Variants in SDK1 observed in about 807,000 individuals in gnomAD.
SDK1 encodes sidekick cell adhesion molecule 1, also known as protein sidekick-1.
A neutral mutation model predicts 245.5 loss-of-function variants in SDK1; 157 were observed. That is an observed-to-expected ratio of 0.64 (90% CI 0.56 to 0.73). The LOEUF is 0.73. Ranked by LOEUF, SDK1 falls within the 30% of genes least tolerant of loss-of-function variation. The probability of loss-of-function intolerance (pLI) is 0.00; values close to 1 mark genes in which losing one functional copy is unlikely to be tolerated. For synonymous variants in SDK1, 1,647 were observed against 1,278.5 expected, an observed-to-expected ratio of 1.29 and a Z score of -6.15; for missense variants, 3,583 against 3,002.3, an observed-to-expected ratio of 1.19 and a Z score of -4.52.
At chr7:3,390,676 T>C (rs1781728565) in intron 1 of SDK1, among the ~76,000 whole-genome samples, 1 of 152,118 alleles carries the variant, frequency 6.6e-6, no homozygotes, top group Non-Finnish European at 1.5e-5. Flanking sequence ...GACGCAGATA[T>C]TGGAGTTATG....
At chr7:3,634,570 T>G (rs572136591) in intron 2 of SDK1, among the ~76,000 whole-genome samples, 1 of 152,202 alleles carries the variant, frequency 6.6e-6, no homozygotes, top group Non-Finnish European at 1.5e-5. Flanking sequence ...TTCTATACTT[T>G]AGTGGCATAT....
intron 1 of SDK1, among the ~76,000 whole-genome samples, chr7:3,471,462 G>T (rs994730344): frequency 6.6e-6 from 1 of 152,080 alleles, no homozygotes; most frequent in Non-Finnish European, 1.5e-5. Context: ...TTTTTAATAT[G>T]TGTTAATCCT....
intron 1 of SDK1, among the ~76,000 whole-genome samples, chr7:3,354,331 A>G (rs983689476): frequency 2.0e-5 from 3 of 148,662 alleles, no homozygotes; most frequent in African/African-American, 7.4e-5. Flanking sequence ...AGTCAAACGG[A>G]AAAAAAAAAC....
intron 1 of SDK1, among the ~76,000 whole-genome samples, chr7:3,507,250 A>G (rs772069916): frequency 6.6e-6 from 1 of 152,022 alleles, no homozygotes; most frequent in African/African-American, 2.4e-5. Context: ...GTCTCTTGAA[A>G]TCTCACCCTA....
intron 17 of SDK1, among the ~76,000 whole-genome samples, chr7:4,041,357 A>G (rs1353011142): frequency 6.7e-6 from 1 of 149,560 alleles, no homozygotes; most frequent in East Asian, 1.9e-4. Flanking sequence ...GAGTTTTGAT[A>G]TACTCTCTGC....
chr7:4,014,401 G>A (rs1786230361), intron 16 of SDK1, among the ~76,000 whole-genome samples: 1 of 152,186 alleles, frequency 6.6e-6, no homozygotes, highest in African/African-American at 2.4e-5. Flanking sequence ...TCCAAGATGA[G>A]GGTGCAGTAC....
At chr7:3,493,621 A>G (rs1781932437) in intron 1 of SDK1, among the ~76,000 whole-genome samples, 1 of 152,180 alleles carries the variant, frequency 6.6e-6, no homozygotes, top group Non-Finnish European at 1.5e-5. Flanking sequence ...TATAGAAAAG[A>G]ATGTTAGGAA....
chr7:3,402,919 G>T (rs373501686), intron 1 of SDK1, among the ~76,000 whole-genome samples: 52 of 152,010 alleles, frequency 3.4e-4, no homozygotes, highest in African/African-American at 1.2e-3. Context: ...TTATGAATTA[G>T]ATGAAACATT....
intron 1 of SDK1, among the ~76,000 whole-genome samples, chr7:3,407,241 C>G (rs1779079931): frequency 6.6e-6 from 1 of 152,200 alleles, no homozygotes. Flanking sequence ...TTTCATAGAT[C>G]CCAGCAGGAA....
intron 27 of SDK1, 95 bp downstream of exon 27, chr7:4,130,192 T>C (rs1784709220): frequency 2.3e-6 from 3 of 1,332,228 alleles, no homozygotes; most frequent in Non-Finnish European, 3.0e-6. Context: ...TTTAACTTAA[T>C]TTTCAAACCA....
At chr7:3,931,915 A>G (rs1383566743) in intron 5 of SDK1, among the ~76,000 whole-genome samples, 1 of 152,132 alleles carries the variant, frequency 6.6e-6, no homozygotes, top group Admixed American at 6.5e-5. Context: ...ATTTTCTATA[A>G]ATTTGCTATA....
chr7:4,037,528 G>T (rs1788311767), intron 17 of SDK1, among the ~76,000 whole-genome samples: 1 of 152,124 alleles, frequency 6.6e-6, no homozygotes, highest in African/African-American at 2.4e-5. Context: ...GAGTTGGGAG[G>T]ATCGCCTGAG....
rs923195514 is a variant in SDK1, at chr7:4,266,416, C to G, written c.*1032C>G. ...AAACAGCTCTGAGAACACACGCTCC[C>G]GACTCGCCTCGTGCACACCAGGCCG... On this transcript the variant is annotated 3_prime_UTR_variant, in exon 45 of 45. Coordinates refer to ENST00000404826, the MANE Select transcript of SDK1 (RefSeq NM_152744.4). 4 of 985,186 alleles carry G rather than the reference C, an allele frequency of 4.1e-6. No individual in the cohort carries two copies. Among genetic ancestry groups the G allele is most frequent in the Non-Finnish European group, 4.8e-6 (4 of 829,908 alleles). The allele number at this position is 985,186 out of a possible 1,614,324, so 61.0% of individuals were successfully genotyped here. A position where few individuals can be genotyped will look rare whatever the true frequency, so the allele number is the denominator to read the frequency against.
chr7:3,846,301 A>G (rs1780277186), intron 5 of SDK1, among the ~76,000 whole-genome samples: 1 of 152,216 alleles, frequency 6.6e-6, no homozygotes, highest in Non-Finnish European at 1.5e-5. Flanking sequence ...TTTCCTATAA[A>G]TTATGTTTAT....
intron 4 of SDK1, among the ~76,000 whole-genome samples, chr7:3,663,721 G>T (rs954917186): frequency 6.6e-6 from 1 of 152,048 alleles, no homozygotes; most frequent in Non-Finnish European, 1.5e-5. Flanking sequence ...AGCTACTGTG[G>T]GTATAAAACT....
intron 4 of SDK1, among the ~76,000 whole-genome samples, chr7:3,737,464 A>C (rs1479819473): frequency 6.6e-6 from 1 of 152,124 alleles, no homozygotes; most frequent in Non-Finnish European, 1.5e-5. Flanking sequence ...TTTCTGCCTG[A>C]GGAGAGCTGT....
chr7:3,573,527 C>A (rs1780183342), intron 1 of SDK1, among the ~76,000 whole-genome samples: 1 of 152,106 alleles, frequency 6.6e-6, no homozygotes, highest in Non-Finnish European at 1.5e-5. Context: ...AAACAACAGC[C>A]TCCACGTGTG....
intron 5 of SDK1, among the ~76,000 whole-genome samples, chr7:3,921,691 C>A (rs371764147): frequency 6.6e-6 from 1 of 152,154 alleles, no homozygotes; most frequent in Non-Finnish European, 1.5e-5. Flanking sequence ...CCGGGCCAGG[C>A]ACGGTGGCTC....
intron 4 of SDK1, among the ~76,000 whole-genome samples, chr7:3,702,195 A>G (rs1389054395): frequency 2.0e-5 from 3 of 152,192 alleles, no homozygotes; most frequent in Admixed American, 1.3e-4. Context: ...AAGACAAACC[A>G]TAGACTGTAA....
Sources: gnomAD v4.1 joint callset for allele counts (sites outside exome capture counted in the v4.1 genomes callset) on GRCh38, gnomAD v4.1.1 for gene constraint, MANE v1.5 for transcripts, NCBI Gene and HGNC (gene_info 2026-07-23, HGNC 2026-07-21) for gene names.